The following SLITRK3 variants were observed in gnomAD, a reference collection of about 807,000 sequenced individuals.
SLITRK3 encodes the protein SLIT and NTRK-like protein 3.
A neutral mutation model predicts 63.6 loss-of-function variants in SLITRK3; 16 were observed. The observed-to-expected ratio is 0.25, with a 90% CI of 0.17 to 0.38. The LOEUF (loss-of-function observed/expected upper bound fraction) is 0.38. Among genes scored for constraint, SLITRK3 ranks in the 10% least tolerant of loss-of-function variants. The pLI, the probability that SLITRK3 is intolerant of heterozygous loss-of-function variation, is 1.00. For synonymous variants in SLITRK3, 547 were observed against 451.6 expected (o/e 1.21, Z -2.68); for missense variants, 1,117 against 1,181.4 (o/e 0.95, Z 0.80).
Position 165,193,277 on chromosome 3 carries a change from T to TTTTCTTTC in SLITRK3, c.-22+2295_-22+2302dup, listed in dbSNP as rs146325529. ...TGGGGGAGGGGGGCAGGGATAGGCA[T>TTTTCTTTC]TTTCTTTCTTTCTTTCTTTCTTTCT... On this transcript the variant is annotated intron_variant, in intron 1 of 1. Coordinates refer to ENST00000475390, the MANE Select transcript of SLITRK3 (RefSeq NM_001318810.2). 1.5e-3 allele frequency among the ~76,000 whole-genome samples: 203 copies of TTTTCTTTC among 138,986 alleles called. 1 individual carries two copies. Among genetic ancestry groups the TTTTCTTTC allele is most frequent in the Middle Eastern group, 3.5e-3 (1 of 286 alleles). The allele number at this position is 138,986 out of a possible 152,430, so 91.2% of individuals were successfully genotyped here.
chr3:165,192,201 A>G (rs944865491), intron 1 of SLITRK3, among the ~76,000 whole-genome samples: 2 of 121,954 alleles, frequency 1.6e-5, no homozygotes, highest in Admixed American at 1.6e-4. Flanking sequence ...GGAAAAGTGA[A>G]AGAAATAAAT....
At chr3:165,196,767 C>T (rs933242701), upstream of SLITRK3, 2 of 152,226 alleles carry the variant, frequency 1.3e-5, no homozygotes, top group East Asian at 1.9e-4. Context: ...GCGTCCCCCC[C>T]GCACCCCCGG....
At chr3:165,191,145 A>G (rs1718210322) in intron 1 of SLITRK3, among the ~76,000 whole-genome samples, 1 of 152,258 alleles carries the variant, frequency 6.6e-6, no homozygotes, top group South Asian at 2.1e-4. Flanking sequence ...AACAAACAAC[A>G]GAACTGGTAT....
In SLITRK3 at chr3:165,194,481, T is replaced by A. The variant is rs563311389; in HGVS notation, c.-22+1099A>T. Among the ~76,000 whole-genome samples, 46 of 152,266 alleles carry A rather than the reference T, an allele frequency of 3.0e-4. No homozygotes were observed. The South Asian group carries it at 8.9e-3, about 29-fold the overall frequency. ...AAGTAAGCAGGAGGGCAGAATTTTC[T>A]AACATTCTACCCTTAATATTCCAGA... On this transcript the variant is annotated intron_variant, in intron 1 of 1. Coordinates refer to ENST00000475390, the MANE Select transcript of SLITRK3 (RefSeq NM_001318810.2).
upstream of SLITRK3, chr3:165,196,795 CTG>C (rs1718436484): frequency 6.6e-6 from 1 of 151,946 alleles, no homozygotes; most frequent in Non-Finnish European, 1.5e-5. Flanking sequence ...TCCGCGCCAA[CTG>C]TGTAAATCAG....
upstream of SLITRK3, chr3:165,196,927 C>CTCTCTCTCTCTCT (rs56305843): frequency 8.9e-4 from 24 of 27,094 alleles, no homozygotes; most frequent in East Asian, 0.011. Context: ...CTCTCTCTCT[C>CTCTCTCTCTCTCT]CTCTCTCTGT....
At position 165,190,455 on chromosome 3, in the gene SLITRK3, T is replaced by A. The variant is rs887901504; in HGVS notation, c.376A>T (p.Ile126Phe). 3.7e-6 allele frequency: 6 copies of A among 1,613,890 alleles called. No individual in the cohort carries two copies. Among genetic ancestry groups the A allele is most frequent in the Non-Finnish European group, 5.1e-6 (6 of 1,179,988 alleles). The change falls in exon 2 of 2, where the codon ATT (isoleucine) becomes TTT (phenylalanine). Residue 126 changes from isoleucine to phenylalanine, a missense_variant. Ile to Phe is a conservative substitution (Grantham distance 21). Transcript: ENST00000475390. ...IQTGAFNGLK[I>F]LKRLYLHENK... ...TCATGTAGATATAGTCTCTTTAAAATCTTAAGACCATTGAAAGCTCCAGTC... is the reference window on the plus strand; with the variant it reads ...TCATGTAGATATAGTCTCTTTAAAAACTTAAGACCATTGAAAGCTCCAGTC...
chr3:165,189,554 G>T lies in SLITRK3; in HGVS notation c.1277C>A (p.Ser426Tyr). ...CAAGGAAGAAAAATTCCAAAAATCA[G>T]AACGGTATATTTTCTGAATCAGATT... is the stretch of plus-strand genomic sequence containing the variant. ...SSNLIQKIYR[S>Y]DFWNFSSLDL... The change falls in exon 2 of 2, where the codon TCT (serine) becomes TAT (tyrosine). Residue 426 changes from serine to tyrosine, a missense_variant. Physicochemically the swap from Ser to Tyr is moderately radical, Grantham distance 144. Coordinates refer to ENST00000475390, the MANE Select transcript of SLITRK3 (RefSeq NM_001318810.2). The surrounding 1 kb of genome is among the most constrained non-coding windows in gnomAD (Gnocchi z 4.0). 1 of 1,614,098 alleles carries T rather than the reference G, an allele frequency of 6.2e-7. No individual in the cohort carries two copies. The highest frequency in any genetic ancestry group is 8.5e-7 in the Non-Finnish European group (1 of 1,180,008).
chr3:165,189,397 G>A lies in SLITRK3; in HGVS notation c.1434C>T (p.Gly478=). The change falls in exon 2 of 2, where the codon GGC becomes GGT. Residue 478 remains glycine, a synonymous_variant. Coordinates refer to ENST00000475390, the MANE Select transcript of SLITRK3 (RefSeq NM_001318810.2). This position sits in a 1 kb window ranked among gnomAD's most constrained non-coding sequence, Gnocchi z 4.0. ...AGTACAAGTAGTGCAAACTCTGTAG[G>A]CCTCGGAACATGCCTGGTGTCAGCT... The part of the protein sequence containing the change: ...IEKLTPGMFR[G]LQSLHYLYFE... 1 of 1,613,762 alleles carries A rather than the reference G, an allele frequency of 6.2e-7. No individual in the cohort carries two copies. The highest frequency in any genetic ancestry group is 8.5e-7 in the Non-Finnish European group (1 of 1,180,046).
rs1265022657 is a variant in SLITRK3, at chr3:165,190,598, C to T, written c.233G>A (p.Arg78Lys). 1 of 1,613,876 alleles carries T rather than the reference C, an allele frequency of 6.2e-7. No individual in the cohort carries two copies. The highest frequency in any genetic ancestry group is 8.5e-7 in the Non-Finnish European group (1 of 1,179,954). Residue 78 changes from arginine (R) to lysine (K), a missense_variant, in exon 2 of 2, where the codon AGA becomes AAA. Arg to Lys is a conservative substitution (Grantham distance 26). Around this residue, in one of 4 missense-constraint regions of SLITRK3, gnomAD observed 452 missense variants for 495.3 expected, o/e 0.91. Coordinates refer to ENST00000475390, the MANE Select transcript of SLITRK3 (RefSeq NM_001318810.2). ...CCTCTGCAGATACAGTTTAAAAGGT[C>T]TTGACCAGAACTCGGTAATCTGACT... Reference protein sequence around the residue: ...NISQITEFWSRPFKLYLQRNS... With the variant: ...NISQITEFWSKPFKLYLQRNS...
At chr3:165,192,093 A>G (rs1034836612) in intron 1 of SLITRK3, among the ~76,000 whole-genome samples, 6 of 152,360 alleles carry the variant, frequency 3.9e-5, no homozygotes, top group Admixed American at 2.0e-4. Flanking sequence ...ATCAACAAAA[A>G]TAAACCAAAG....
chr3:165,189,168 C>T lies in SLITRK3; in HGVS notation c.1663G>A (p.Val555Ile). 2 of 1,614,164 alleles carry T rather than the reference C, an allele frequency of 1.2e-6. No individual in the cohort carries two copies. Among genetic ancestry groups the T allele is most frequent in the Non-Finnish European group, 1.7e-6 (2 of 1,180,026 alleles). ...AGVLEHLNAI[V>I]QIDLNENPWD... Reference sequence around the variant, plus strand: ...GGATTCTCATTGAGGTCTATCTGGACAATGGCATTCAAGTGTTCCAGGACA... The same window carrying T: ...GGATTCTCATTGAGGTCTATCTGGATAATGGCATTCAAGTGTTCCAGGACA... Residue 555 changes from valine to isoleucine, a missense_variant, in exon 2 of 2, where the codon GTC (valine) becomes ATC (isoleucine). This residue lies in a region of SLITRK3 where 158 missense variants were observed against 197.2 expected (regional missense o/e 0.80). Coordinates refer to ENST00000475390, the MANE Select transcript of SLITRK3 (RefSeq NM_001318810.2). The surrounding 1 kb of genome is among the most constrained non-coding windows in gnomAD (Gnocchi z 4.0).
At chr3:165,194,653 A>C (rs1419004142) in intron 1 of SLITRK3, among the ~76,000 whole-genome samples, 2 of 147,512 alleles carry the variant, frequency 1.4e-5, no homozygotes, top group Non-Finnish European at 3.0e-5. Context: ...TTGGGTACCC[A>C]ATGTGCAGAG....
At chr3:165,196,905 C>CTCTCTG (rs1718454641), upstream of SLITRK3, 2 of 144,144 alleles carry the variant, frequency 1.4e-5, no homozygotes, top group Admixed American at 1.4e-4. Flanking sequence ...CTGTCTCTCT[C>CTCTCTG]TCTCTCTCTC....
At chr3:165,193,781 G>C (rs961603877) in intron 1 of SLITRK3, among the ~76,000 whole-genome samples, 1 of 151,918 alleles carries the variant, frequency 6.6e-6, no homozygotes, top group African/African-American at 2.4e-5. Context: ...GGATTGGGGT[G>C]GATTTAAGGA....
chr3:165,192,362 ATC>A (rs1312627082), intron 1 of SLITRK3, among the ~76,000 whole-genome samples: 1 of 152,216 alleles, frequency 6.6e-6, no homozygotes. Context: ...ACATTGCAGT[ATC>A]AATTAGTCTT....
chr3:165,191,482 T>G, intron 1 of SLITRK3, among the ~76,000 whole-genome samples: 1 of 152,348 alleles, frequency 6.6e-6, no homozygotes, highest in South Asian at 2.1e-4. Flanking sequence ...TTTATTACAG[T>G]GTATAGTCAG....
At chr3:165,192,576 A>G in intron 1 of SLITRK3, among the ~76,000 whole-genome samples, 1 of 151,586 alleles carries the variant, frequency 6.6e-6, no homozygotes. Context: ...CGTGAAAAGA[A>G]AAAGAAAAAA....
At position 165,188,462 on chromosome 3, in the gene SLITRK3, G is replaced by A. The variant is rs774538207; in HGVS notation, c.2369C>T (p.Ala790Val). Reference protein sequence around the residue: ...PGTQPPGMGEALLGSEQFAET... With the variant: ...PGTQPPGMGEVLLGSEQFAET... ...AGCAAACTGCTCACTTCCTAGGAGA[G>A]CCTCACCCATTCCCGGTGGTTGTGT... Residue 790 changes from alanine to valine, a missense_variant, in exon 2 of 2, where the codon GCT becomes GTT. This residue lies in a region of SLITRK3 where 499 missense variants were observed against 463.6 expected (regional missense o/e 1.08). Coordinates refer to ENST00000475390, the MANE Select transcript of SLITRK3 (RefSeq NM_001318810.2). The A allele has an allele frequency of 1.2e-6, 2 of 1,613,950 alleles. No homozygotes were observed. Among genetic ancestry groups the A allele is most frequent in the Non-Finnish European group, 1.7e-6 (2 of 1,179,988 alleles).
Sources: gnomAD v4.1 joint callset for allele counts (sites outside exome capture counted in the v4.1 genomes callset) on GRCh38, gnomAD v4.1.1 for gene constraint, gnomAD v4.1.1 regional missense constraint, Gnocchi (gnomAD v3.1) non-coding constraint, MANE v1.5 for transcripts, NCBI Gene and HGNC (gene_info 2026-07-23, HGNC 2026-07-21) for gene names.